PCDHA6: variants seen among roughly 807,000 people sequenced by gnomAD.
PCDHA6 encodes protocadherin alpha-6.
Under a neutral mutation model 60.3 loss-of-function variants are expected in PCDHA6, and 55 were observed. That is an observed-to-expected ratio of 0.91 (90% CI 0.73 to 1.14). The LOEUF is 1.14. Among genes scored for constraint, PCDHA6 ranks in the 50% most tolerant of loss-of-function variants. The pLI is 0.00. For missense variants in PCDHA6, 1,327 were observed against 1,256.5 expected (o/e 1.06, Z -0.85); for synonymous variants, 652 against 557.9 (o/e 1.17, Z -2.38).
In PCDHA6 at chr5:140,882,900, T is replaced by C. The variant is rs151159619; in HGVS notation, c.2394+52415T>C. 8.7e-6 allele frequency: 14 copies of C among 1,614,106 alleles called. No individual in the cohort carries two copies. In the African/African-American group the frequency reaches 1.2e-4, roughly 14 times the overall value. The stretch of plus-strand genomic sequence containing the variant: ...GAGGAAATTCAGGAACATAGTTTAT[T>C]ACTGACAGCCAGTGATGGAGGTAAA... On this transcript the variant is annotated intron_variant, in intron 1 of 3. Transcript: ENST00000529310.
chr5:140,901,146 C>T (rs1463079898), intron 1 of PCDHA6, among the ~76,000 whole-genome samples: 1 of 152,062 alleles, frequency 6.6e-6, no homozygotes, highest in Admixed American at 6.6e-5. Context: ...AATATTTTCT[C>T]TCAATCTGTG....
chr5:140,879,078 A>G (rs1168166013), intron 1 of PCDHA6, among the ~76,000 whole-genome samples: 3 of 152,342 alleles, frequency 2.0e-5, no homozygotes, highest in African/African-American at 7.2e-5. Flanking sequence ...TAAGAGAGAT[A>G]AGTAGGAACA....
chr5:140,897,174 G>C (rs1356780883), intron 1 of PCDHA6, among the ~76,000 whole-genome samples: 1 of 151,818 alleles, frequency 6.6e-6, no homozygotes, highest in Non-Finnish European at 1.5e-5. Context: ...TATCTCCATG[G>C]GTTCAAAAAA....
At chr5:140,937,736 C>T (rs778178538) in intron 1 of PCDHA6, among the ~76,000 whole-genome samples, 84 of 151,896 alleles carry the variant, frequency 5.5e-4, no homozygotes, top group Non-Finnish European at 1.1e-3. Context: ...CACGGTGAAA[C>T]CCCGTCTCTA....
At chr5:140,838,621 C>T (rs2150290768) in intron 1 of PCDHA6, among the ~76,000 whole-genome samples, 40 of 151,992 alleles carry the variant, frequency 2.6e-4, no homozygotes, top group Non-Finnish European at 5.1e-4. Context: ...AAATTTTTTA[C>T]AAATAATTTG....
In PCDHA6 at chr5:141,009,850, C is replaced by A; in HGVS notation, c.2766C>A (p.Thr922=). The A allele has an allele frequency of 1.2e-6, 2 of 1,613,572 alleles. No individual in the cohort carries two copies. Among genetic ancestry groups the A allele is most frequent in the Non-Finnish European group, 1.7e-6 (2 of 1,179,906 alleles). ...DFITFGKKEE[T]KKKKKKKKGN... ...TAACCTTCGGCAAAAAGGAGGAGAC[C>A]AAGAAAAAGAAGAAAAAGAAGAAGG... The change falls in exon 4 of 4, where the codon ACC becomes ACA. Residue 922 remains threonine (T), a synonymous_variant. Coordinates refer to ENST00000529310, the MANE Select transcript of PCDHA6 (RefSeq NM_018909.4).
At chr5:140,977,097 G>T (rs988046010) in intron 1 of PCDHA6, among the ~76,000 whole-genome samples, 2 of 152,222 alleles carry the variant, frequency 1.3e-5, no homozygotes, top group African/African-American at 4.8e-5. Flanking sequence ...GTGTCATTGG[G>T]GAAGTGAGAT....
rs2150336265 is a variant in PCDHA6, at chr5:140,842,444, A to C, written c.2394+11959A>C. 3.1e-6 allele frequency: 5 copies of C among 1,613,778 alleles called. No homozygotes were observed. The East Asian group carries it at 1.1e-4, about 36-fold the overall frequency. On this transcript the variant is annotated intron_variant, in intron 1 of 3. Transcript: ENST00000529310. ...TACTGTCATCGCCCTAATTAGCGTGAACGACCTCGATTCAGGTGCCAACGG... is the reference window on the plus strand; with the variant it reads ...TACTGTCATCGCCCTAATTAGCGTGCACGACCTCGATTCAGGTGCCAACGG...
Position 141,011,434 on chromosome 5 carries a change from C to T in PCDHA6, c.*1497C>T, listed in dbSNP as rs934032017. The T allele has an allele frequency of 6.5e-6, 1 of 153,726 alleles. No homozygotes were observed. Among genetic ancestry groups the T allele is most frequent in the Non-Finnish European group, 1.5e-5 (1 of 68,038 alleles). 9.5% of individuals were successfully genotyped at this position (153,726 alleles called of 1,614,324 possible). ...ATGTGAATGTTAATGCAACTATTAC[C>T]TAGAGTGAACTTTAAGCTTTATTGT... On this transcript the variant is annotated 3_prime_UTR_variant, in exon 4 of 4. Coordinates refer to ENST00000529310, the MANE Select transcript of PCDHA6 (RefSeq NM_018909.4).
rs2150289846 is a variant in PCDHA6, at chr5:140,838,476, G to A, written c.2394+7991G>A. On this transcript the variant is annotated intron_variant, in intron 1 of 3. Transcript: ENST00000529310. ...ATTATTTCATTAGCGCTTATTCCTT[G>A]TTTTTGATTATTTGCTTTCTTATTT... Among the ~76,000 whole-genome samples, 461 of 151,412 alleles carry A rather than the reference G, an allele frequency of 3.0e-3. 6 individuals carry two copies. Among genetic ancestry groups the A allele is most frequent in the Middle Eastern group, 0.014 (4 of 294 alleles).
chr5:140,892,763 C>G (rs1365366300), intron 1 of PCDHA6, among the ~76,000 whole-genome samples: 12 of 152,298 alleles, frequency 7.9e-5, no homozygotes, highest in Middle Eastern at 3.4e-3. Context: ...TTAAAATCCA[C>G]TCTTCTAGCT....
chr5:140,841,454 G>A, intron 1 of PCDHA6: 1 of 1,612,938 alleles, frequency 6.2e-7, no homozygotes, highest in Non-Finnish European at 8.5e-7. Context: ...CGGCACCTTC[G>A]TGGGCCGGAT....
intron 3 of PCDHA6, 29 bp from the exon 4 acceptor site, chr5:141,009,598 T>C: frequency 6.2e-7 from 1 of 1,606,306 alleles, no homozygotes; most frequent in Non-Finnish European, 8.5e-7. Flanking sequence ...GTTGACCCTG[T>C]TAATGATTTG....
At chr5:140,852,191 G>A in intron 1 of PCDHA6, 1 of 725,566 alleles carries the variant, frequency 1.4e-6, no homozygotes, top group Non-Finnish European at 1.7e-6. Context: ...GAAAATGCCA[G>A]TAACGTTTAT....
Position 140,828,515 on chromosome 5 carries a change from A to C in PCDHA6, c.424A>C (p.Ile142Leu). Residue 142 changes from isoleucine to leucine, a missense_variant, in exon 1 of 4, where the codon ATT becomes CTT. By Grantham distance (5) the Ile-to-Leu change is conservative (BLOSUM62 2). Coordinates refer to ENST00000529310, the MANE Select transcript of PCDHA6 (RefSeq NM_018909.4). ...LFPVEEQRVL[I>L]YESRLPDSVF... ...CCCGGTAGAGGAACAAAGAGTGCTG[A>C]TTTACGAATCTAGGCTGCCAGATTC... The C allele has an allele frequency of 1.2e-6, 2 of 1,614,156 alleles. No individual in the cohort carries two copies. Among genetic ancestry groups the C allele is most frequent in the Non-Finnish European group, 1.7e-6 (2 of 1,180,026 alleles).
intron 1 of PCDHA6, among the ~76,000 whole-genome samples, chr5:140,887,714 T>C (rs772328025): frequency 6.6e-6 from 1 of 152,220 alleles, no homozygotes; most frequent in Admixed American, 6.5e-5. Flanking sequence ...CTTCTTCTAA[T>C]AGTTTTTTCT....
intron 1 of PCDHA6, among the ~76,000 whole-genome samples, chr5:140,898,901 T>C (rs1196685970): frequency 7.9e-5 from 12 of 152,172 alleles, no homozygotes; most frequent in Admixed American, 7.9e-4. Context: ...GAAGAGGTCC[T>C]TCACGTCCCT....
rs782403008 is a variant in PCDHA6 at position 140,877,235 on chromosome 5, G to A, written c.2394+46750G>A. ...TTGGTACCGCGGTCGGTGGGTGCGGGCCACGTGGTGGCGAAAGTGCGCGCG... is the reference window on the plus strand; with the variant it reads ...TTGGTACCGCGGTCGGTGGGTGCGGACCACGTGGTGGCGAAAGTGCGCGCG... On this transcript the variant is annotated intron_variant, in intron 1 of 3. Transcript: ENST00000529310. 49 of 1,613,570 alleles carry A rather than the reference G, an allele frequency of 3.0e-5. No homozygotes were observed. In the South Asian group the frequency reaches 5.1e-4, roughly 17 times the overall value.
chr5:140,888,754 C>CT lies in PCDHA6; in HGVS notation c.2394+58279dup, dbSNP rs782694187. Reference sequence around the variant, plus strand: ...TGAGCTCTAGGAATTATTCTACCCACTTTTTTTTTTAATTTTGAAGGGATA... The same window carrying CT: ...TGAGCTCTAGGAATTATTCTACCCACTTTTTTTTTTTAATTTTGAAGGGATA... On this transcript the variant is annotated intron_variant, in intron 1 of 3. Transcript: ENST00000529310. 7.0e-3 allele frequency among the ~76,000 whole-genome samples: 1,040 copies of CT among 148,666 alleles called. 3 individuals are homozygous for CT. The highest frequency in any genetic ancestry group is 0.038 in the Middle Eastern group (11 of 290).
Sources: allele counts gnomAD v4.1 joint callset (sites outside exome capture counted in the v4.1 genomes callset), GRCh38; gene constraint gnomAD v4.1.1; transcripts MANE v1.5; gene names NCBI Gene and HGNC (gene_info 2026-07-23, HGNC 2026-07-21).